The following BCL9 variants were observed in gnomAD, a reference collection of about 807,000 sequenced individuals.
BCL9 encodes B-cell CLL/lymphoma 9 protein.
In BCL9, 25 loss-of-function variants were observed where a neutral mutation model predicts 88.5. The observed-to-expected ratio is 0.28, with a 90% confidence interval of 0.21 to 0.39. The LOEUF is 0.39. BCL9 is among the 10% of genes least tolerant of loss of function. The pLI, the probability that BCL9 is intolerant of heterozygous loss-of-function variation, is 1.00. For missense variants in BCL9, 1,817 were observed against 1,877.8 expected (o/e 0.97, Z 0.60); for synonymous variants, 711 against 673.3 (o/e 1.06, Z -0.87).
chr1:147,606,121 A>G (rs1657691206), intron 2 of BCL9, among the ~76,000 whole-genome samples: 2 of 152,200 alleles, frequency 1.3e-5, no homozygotes, highest in South Asian at 2.1e-4. Context: ...GCTCAGTGTC[A>G]TAATTCTAGT....
At chr1:147,582,716 G>A (rs1284463057) in intron 1 of BCL9, among the ~76,000 whole-genome samples, 4 of 152,178 alleles carry the variant, frequency 2.6e-5, no homozygotes, top group Admixed American at 2.6e-4. Context: ...TATTTCTGAA[G>A]CAAAACTATG....
chr1:147,584,053 A>ATT (rs1432818726), intron 1 of BCL9, among the ~76,000 whole-genome samples: 91 of 148,070 alleles, frequency 6.1e-4, no homozygotes, highest in South Asian at 8.5e-4. Flanking sequence ...TAATGGATTC[A>ATT]TTTTTTTTTT....
In BCL9 at chr1:147,579,462, G is replaced by C. The variant is rs180713427; in HGVS notation, c.-477-25315G>C. On this transcript the variant is annotated intron_variant, in intron 1 of 9. Coordinates refer to ENST00000234739, the MANE Select transcript of BCL9 (RefSeq NM_004326.4). Reference sequence around the variant, plus strand: ...AATGCTTCCTTAGAAAATGACTGCTGTTCTACCCCTGCTAGCAAGAAGTTA... The same window carrying C: ...AATGCTTCCTTAGAAAATGACTGCTCTTCTACCCCTGCTAGCAAGAAGTTA... Among the ~76,000 whole-genome samples the C allele has an allele frequency of 2.3e-4, 35 of 152,244 alleles. No homozygotes were observed. The East Asian group carries it at 6.4e-3, about 28-fold the overall frequency.
chr1:147,574,084 C>A (rs74609846), intron 1 of BCL9, among the ~76,000 whole-genome samples: 2 of 152,110 alleles, frequency 1.3e-5, no homozygotes, highest in African/African-American at 2.4e-5. Flanking sequence ...TGTTATTATC[C>A]CTACTCTAGA....
At chr1:147,572,882 A>G (rs1418450667) in intron 1 of BCL9, among the ~76,000 whole-genome samples, 1 of 152,218 alleles carries the variant, frequency 6.6e-6, no homozygotes, top group African/African-American at 2.4e-5. Context: ...ACATGGCCAC[A>G]GGTAGAAGAA....
intron 1 of BCL9, among the ~76,000 whole-genome samples, chr1:147,575,739 C>T (rs1553197989): frequency 6.6e-6 from 1 of 152,090 alleles, no homozygotes; most frequent in Non-Finnish European, 1.5e-5. Context: ...AATGCTTCAG[C>T]CTGATGTTAT....
At chr1:147,587,783 T>A (rs1656683674) in intron 1 of BCL9, among the ~76,000 whole-genome samples, 1 of 150,558 alleles carries the variant, frequency 6.6e-6, no homozygotes, top group African/African-American at 2.5e-5. Flanking sequence ...TGTGTGTGTG[T>A]GTGTGTGTGT....
intron 1 of BCL9, among the ~76,000 whole-genome samples, chr1:147,573,993 T>C (rs145884020): frequency 1.2e-3 from 181 of 152,292 alleles, no homozygotes; most frequent in African/African-American, 4.2e-3. Context: ...GAGGGCTCAT[T>C]GAGGGCTACT....
At chr1:147,606,502 T>C (rs1218217727) in intron 2 of BCL9, among the ~76,000 whole-genome samples, 1 of 152,130 alleles carries the variant, frequency 6.6e-6, no homozygotes, top group Admixed American at 6.5e-5. Context: ...TTCTAAAAAG[T>C]AGAAAACTTG....
At position 147,603,876 on chromosome 1, in the gene BCL9, C is replaced by T. The variant is rs184640772; in HGVS notation, c.-477-901C>T. Among the ~76,000 whole-genome samples the T allele has an allele frequency of 2.7e-4, 41 of 152,020 alleles. 1 individual carries two copies. The highest frequency in any genetic ancestry group is 4.3e-4 in the Non-Finnish European group (29 of 67,982). On this transcript the variant is annotated intron_variant, in intron 1 of 9. Coordinates refer to ENST00000234739, the MANE Select transcript of BCL9 (RefSeq NM_004326.4). ...GGCAATCTAGTGAAACAGAGGACCC[C>T]CTTCTGAGAACGTTTTTTAAATGCA... is the stretch of plus-strand genomic sequence containing the variant.
intron 1 of BCL9, among the ~76,000 whole-genome samples, chr1:147,559,904 C>G (rs1655297312): frequency 1.3e-5 from 2 of 152,156 alleles, no homozygotes; most frequent in Non-Finnish European, 2.9e-5. Context: ...AGGCCAGGAA[C>G]TAAGACCCAG....
At chr1:147,599,733 A>G (rs1553200932) in intron 1 of BCL9, among the ~76,000 whole-genome samples, 1 of 147,488 alleles carries the variant, frequency 6.8e-6, no homozygotes, top group Non-Finnish European at 1.5e-5. Context: ...TATGCAAACC[A>G]GGAGGTGGTG....
chr1:147,611,465 A>G (rs1557853395), intron 3 of BCL9, 113 bp from the exon 4 acceptor site: 3 of 266,134 alleles, frequency 1.1e-5, no homozygotes, highest in South Asian at 8.8e-5. Context: ...AAGTGGAGGC[A>G]TGGTCTAGCT....
intron 1 of BCL9, among the ~76,000 whole-genome samples, chr1:147,602,727 C>T (rs1213539673): frequency 6.6e-6 from 1 of 152,168 alleles, no homozygotes; most frequent in Non-Finnish European, 1.5e-5. Flanking sequence ...ATAGAGTTCT[C>T]ATTGTATAAG....
chr1:147,577,046 C>T (rs145924372), intron 1 of BCL9, among the ~76,000 whole-genome samples: 7 of 152,082 alleles, frequency 4.6e-5, no homozygotes, highest in Non-Finnish European at 7.4e-5. Flanking sequence ...GCAGTTAGTA[C>T]GCTATATTTT....
chr1:147,621,855 G>A (rs146628355), intron 8 of BCL9, among the ~76,000 whole-genome samples: 20 of 152,232 alleles, frequency 1.3e-4, no homozygotes, highest in African/African-American at 4.1e-4. Context: ...GGGTGATGTC[G>A]TTAGTACCTG....
rs1393143673 is a variant in BCL9, at chr1:147,625,499, C to T, written c.*540C>T. 2.9e-5 allele frequency: 6 copies of T among 208,760 alleles called. No individual in the cohort carries two copies. Among genetic ancestry groups the T allele is most frequent in the Non-Finnish European group, 3.7e-5 (4 of 107,250 alleles). The allele number at this position is 208,760 out of a possible 1,614,324, so 12.9% of individuals were successfully genotyped here. On this transcript the variant is annotated 3_prime_UTR_variant, in exon 10 of 10. Coordinates refer to ENST00000234739, the MANE Select transcript of BCL9 (RefSeq NM_004326.4). ...AGACCTTTGGACTATTTTCTTTCAA[C>T]TGCAGTGTATAGAAAAACCAAACTA...
At chr1:147,546,521 TCC>T (rs1553194269) in intron 1 of BCL9, among the ~76,000 whole-genome samples, 1 of 152,124 alleles carries the variant, frequency 6.6e-6, no homozygotes, top group African/African-American at 2.4e-5. Context: ...GGCCTAGAAA[TCC>T]CCATTCTACT....
intron 1 of BCL9, among the ~76,000 whole-genome samples, chr1:147,586,586 A>T (rs1252999194): frequency 6.6e-6 from 1 of 152,038 alleles, no homozygotes; most frequent in Non-Finnish European, 1.5e-5. Flanking sequence ...AGCAATTCTG[A>T]TTTGGCGGGT....
Sources: allele counts gnomAD v4.1 joint callset (sites outside exome capture counted in the v4.1 genomes callset), GRCh38; gene constraint gnomAD v4.1.1; transcripts MANE v1.5; gene names NCBI Gene and HGNC (gene_info 2026-07-23, HGNC 2026-07-21).